Variants in RAPGEF2 observed in about 807,000 individuals in gnomAD.
RAPGEF2 encodes the protein PDZ domain containing guanine nucleotide exchange factor (GEF) 1.
Under a neutral mutation model 186.7 loss-of-function variants are expected in RAPGEF2, and 54 were observed. The observed-to-expected ratio is 0.29, with a 90% CI of 0.23 to 0.36. The LOEUF (loss-of-function observed/expected upper bound fraction) is 0.36. RAPGEF2 is among the 10% of genes least tolerant of loss of function. RAPGEF2 has a pLI of 1.00. For synonymous variants in RAPGEF2, 712 were observed against 705.9 expected, an observed-to-expected ratio of 1.01 and a Z score of -0.14; for missense variants, 1,532 against 2,045.0, an observed-to-expected ratio of 0.75 and a Z score of 4.84.
At chr4:159,118,638 T>C (rs144777014) in intron 1 of RAPGEF2, among the ~76,000 whole-genome samples, 2,853 of 152,160 alleles carry the variant, frequency 0.019, 83 homozygotes, top group African/African-American at 0.065. Context: ...CAGGCTGGAG[T>C]GCAATGGTGC....
chr4:159,340,667 C>CCACACACA (rs3071283), intron 19 of RAPGEF2, among the ~76,000 whole-genome samples: 9,652 of 76,854 alleles, frequency 0.13, 1,715 homozygotes, highest in Non-Finnish European at 0.17. Context: ...ACCACCATCA[C>CCACACACA]CACACACACA....
At chr4:159,189,407 A>G (rs1310570751) in intron 2 of RAPGEF2, among the ~76,000 whole-genome samples, 1 of 152,124 alleles carries the variant, frequency 6.6e-6, no homozygotes, top group Non-Finnish European at 1.5e-5. Flanking sequence ...CATTTTAACT[A>G]TTTTTCTAAT....
At chr4:159,304,278 T>A (rs13103075) in intron 7 of RAPGEF2, 64 bp from the exon 8 acceptor site, 500,771 of 1,419,834 alleles carry the variant, frequency 0.35, 93,773 homozygotes, top group Non-Finnish European at 0.38. Context: ...ATTTTAATTT[T>A]AAAATGTCTT....
chr4:159,279,770 C>G (rs1243100955), intron 7 of RAPGEF2, among the ~76,000 whole-genome samples: 2 of 152,064 alleles, frequency 1.3e-5, no homozygotes, highest in Admixed American at 6.5e-5. Flanking sequence ...CCTCCACCTC[C>G]TGGGTTCCTG....
At chr4:159,334,340 C>T (rs1465763728) in intron 17 of RAPGEF2, among the ~76,000 whole-genome samples, 1 of 152,180 alleles carries the variant, frequency 6.6e-6, no homozygotes, top group Non-Finnish European at 1.5e-5. Context: ...CCTTCACCTC[C>T]TGAGCTCAAG....
chr4:159,215,148 C>A lies in RAPGEF2; in HGVS notation c.281+4565C>A, dbSNP rs1370368699. Among the ~76,000 whole-genome samples, 6 of 151,794 alleles carry A rather than the reference C, an allele frequency of 4.0e-5. No individual in the cohort carries two copies. In the East Asian group the frequency reaches 1.2e-3, roughly 29 times the overall value. On this transcript the variant is annotated intron_variant, in intron 4 of 29. Transcript: ENST00000691494. ...AAAATGCTGGGATTACAGGTGTGAG[C>A]CACTGCCAGTTTTTTGTTGTTGTTG...
chr4:159,266,596 AG>A (rs1193092708), intron 7 of RAPGEF2, among the ~76,000 whole-genome samples: 1 of 151,990 alleles, frequency 6.6e-6, no homozygotes, highest in Non-Finnish European at 1.5e-5. Flanking sequence ...AAACCTGGGT[AG>A]GTTAATTTTT....
In RAPGEF2 at chr4:159,359,955, T is replaced by C. The variant is rs1032856694; in HGVS notation, c.*1816T>C. On this transcript the variant is annotated 3_prime_UTR_variant, in exon 30 of 30. Transcript: ENST00000691494. ...GCAGAATGTACAATTAACTGGTGATTTCCTCATACTTTTGATACTACTTGT... is the reference window on the plus strand; with the variant it reads ...GCAGAATGTACAATTAACTGGTGATCTCCTCATACTTTTGATACTACTTGT... 2 of 152,186 alleles carry C rather than the reference T, an allele frequency of 1.3e-5. No homozygotes were observed. The highest frequency in any genetic ancestry group is 2.9e-5 in the Non-Finnish European group (2 of 68,022). The allele number at this position is 152,186 out of a possible 1,614,324, so 9.4% of individuals were successfully genotyped here. A position where few individuals can be genotyped will look rare whatever the true frequency, so the allele number is the denominator to read the frequency against.
intron 4 of RAPGEF2, among the ~76,000 whole-genome samples, chr4:159,225,687 C>A (rs928317777): frequency 6.6e-6 from 1 of 152,082 alleles, no homozygotes; most frequent in African/African-American, 2.4e-5. Context: ...CTAGTAGATA[C>A]GTGGCAGTAT....
intron 1 of RAPGEF2, among the ~76,000 whole-genome samples, chr4:159,146,673 C>A (rs1002169635): frequency 6.6e-6 from 1 of 152,160 alleles, no homozygotes; most frequent in African/African-American, 2.4e-5. Flanking sequence ...GGAGGAAGAA[C>A]TGGGATTTGA....
intron 23 of RAPGEF2, 82 bp from the exon 24 acceptor site, chr4:159,345,024 T>C: frequency 8.9e-7 from 1 of 1,129,094 alleles, no homozygotes. Context: ...CATAGACTAT[T>C]AATATCAGTC....
chr4:159,204,512 C>T lies in RAPGEF2; in HGVS notation c.198-5988C>T, dbSNP rs373780491. Among the ~76,000 whole-genome samples the T allele has an allele frequency of 2.0e-5, 3 of 152,314 alleles. No homozygotes were observed. In the East Asian group the frequency reaches 5.8e-4, roughly 29 times the overall value. On this transcript the variant is annotated intron_variant, in intron 3 of 29. Coordinates refer to ENST00000691494, the MANE Select transcript of RAPGEF2 (RefSeq NM_001394067.2). ...CTTTGTTTAGACTTGGGATAATGCT[C>T]AGCGGGGATCATACAGTTCTGATTG...
At chr4:159,272,571 C>G (rs1758257860) in intron 7 of RAPGEF2, among the ~76,000 whole-genome samples, 1 of 152,106 alleles carries the variant, frequency 6.6e-6, no homozygotes, top group African/African-American at 2.4e-5. Context: ...TTGGTCTTTG[C>G]AGTTAGATGA....
intron 1 of RAPGEF2, among the ~76,000 whole-genome samples, chr4:159,113,495 CT>C (rs1410197218): frequency 4.6e-5 from 7 of 152,116 alleles, no homozygotes; most frequent in South Asian, 4.1e-4. Flanking sequence ...AATCCCTGCA[CT>C]TTGGAAGACT....
intron 4 of RAPGEF2, among the ~76,000 whole-genome samples, chr4:159,222,032 G>A (rs550118370): frequency 2.6e-5 from 4 of 152,232 alleles, no homozygotes; most frequent in African/African-American, 9.6e-5. Flanking sequence ...TTCCCCCTTC[G>A]GATATTAGTC....
chr4:159,346,076 A>G (rs1730268807), intron 24 of RAPGEF2, among the ~76,000 whole-genome samples: 1 of 152,216 alleles, frequency 6.6e-6, no homozygotes, highest in Admixed American at 6.5e-5. Flanking sequence ...GTCTGAGTTC[A>G]AATCCTGTTT....
intron 1 of RAPGEF2, among the ~76,000 whole-genome samples, chr4:159,155,471 A>C (rs1396110465): frequency 2.0e-5 from 3 of 152,182 alleles, no homozygotes; most frequent in African/African-American, 7.2e-5. Context: ...CAGTTAATGG[A>C]AAGGAGATGA....
chr4:159,341,677 C>T lies in RAPGEF2; in HGVS notation c.2648C>T (p.Ala883Val), dbSNP rs549339908. 483 of 1,614,062 alleles carry T rather than the reference C, an allele frequency of 3.0e-4. 7 individuals are homozygous for T. In the South Asian group the frequency reaches 5.0e-3, roughly 17 times the overall value. ...SLLQLSTVEV[A>V]TQLSMRNFEL... is the part of the protein sequence containing the mutation. ...CTTCAGCTCAGCACTGTGGAAGTTGCAACACAGCTCTCTATGCGAAATTTT... is the reference window on the plus strand; with the variant it reads ...CTTCAGCTCAGCACTGTGGAAGTTGTAACACAGCTCTCTATGCGAAATTTT... The change falls in exon 20 of 30, where the codon GCA becomes GTA. Residue 883 changes from alanine to valine, a missense_variant. By Grantham distance (64) the Ala-to-Val change is moderately conservative (BLOSUM62 0). Coordinates refer to ENST00000691494, the MANE Select transcript of RAPGEF2 (RefSeq NM_001394067.2).
chr4:159,311,188 GATT>G (rs1763913629), intron 8 of RAPGEF2, among the ~76,000 whole-genome samples: 1 of 152,040 alleles, frequency 6.6e-6, no homozygotes, highest in Non-Finnish European at 1.5e-5. Context: ...TTGATATGAA[GATT>G]ATTATGTTTT....
Sources: gnomAD v4.1 joint callset for allele counts (sites outside exome capture counted in the v4.1 genomes callset) on GRCh38, gnomAD v4.1.1 for gene constraint, MANE v1.5 for transcripts, NCBI Gene and HGNC (gene_info 2026-07-23, HGNC 2026-07-21) for gene names.